Variants in UPP1 observed in about 807,000 individuals in gnomAD.
UPP1 encodes UPase 1.
In UPP1, 25 loss-of-function variants were observed where a neutral mutation model predicts 29.6. That is an observed-to-expected ratio of 0.85 (90% CI 0.62 to 1.18). UPP1 has a LOEUF of 1.18. Among genes scored for constraint, UPP1 ranks in the 50% most tolerant of loss-of-function variants. The pLI is 0.00. For missense variants in UPP1, 368 were observed against 410.4 expected (o/e 0.90, Z 0.89); for synonymous variants, 165 against 159.8 (o/e 1.03, Z -0.25).
rs1791689122 is a variant in UPP1 at position 48,089,413 on chromosome 7, C to T, written c.-204C>T. 1 of 152,410 alleles carries T rather than the reference C, an allele frequency of 6.6e-6. No individual in the cohort carries two copies. Among genetic ancestry groups the T allele is most frequent in the Non-Finnish European group, 1.5e-5 (1 of 68,202 alleles). The allele number at this position is 152,410 out of a possible 1,614,324, so 9.4% of individuals were successfully genotyped here. On this transcript the variant is annotated 5_prime_UTR_variant, in exon 1 of 9. Transcript: ENST00000395564. ...GGGTGTAGCGGCTCTCTGCGCAGGCCGAGTGGTGAGTCGCCCGCGGCCCGG... is the reference window on the plus strand; with the variant it reads ...GGGTGTAGCGGCTCTCTGCGCAGGCTGAGTGGTGAGTCGCCCGCGGCCCGG...
At chr7:48,102,024 C>T (rs777183064) in intron 5 of UPP1, 42 bp downstream of exon 5, 2 of 1,593,412 alleles carry the variant, frequency 1.3e-6, no homozygotes, top group South Asian at 1.1e-5. Context: ...CTAGGCTCTG[C>T]AACCCCCTGT....
chr7:48,099,303 T>C (rs1792290066), intron 3 of UPP1, among the ~76,000 whole-genome samples: 2 of 152,194 alleles, frequency 1.3e-5, no homozygotes, highest in Admixed American at 1.3e-4. Flanking sequence ...ATAGTAGTTT[T>C]AAAATAAATT....
intron 3 of UPP1, among the ~76,000 whole-genome samples, chr7:48,097,155 G>T (rs1189382086): frequency 6.6e-6 from 1 of 152,184 alleles, no homozygotes; most frequent in Non-Finnish European, 1.5e-5. Flanking sequence ...TCTCTGACTT[G>T]TTATTTTAAA....
chr7:48,096,015 C>T (rs1166149661), intron 3 of UPP1, among the ~76,000 whole-genome samples: 1 of 152,186 alleles, frequency 6.6e-6, no homozygotes, highest in African/African-American at 2.4e-5. Context: ...CCAAAAATGC[C>T]TTGTCCCCAG....
At chr7:48,103,217 T>A (rs1792528771) in intron 5 of UPP1, 80 bp from the exon 6 acceptor site, 4 of 1,048,176 alleles carry the variant, frequency 3.8e-6, no homozygotes, top group African/African-American at 1.6e-5. Flanking sequence ...TTAGATTGAA[T>A]TACATCACAT....
intron 6 of UPP1, chr7:48,104,006 T>A (rs1554306198): frequency 4.6e-6 from 4 of 866,626 alleles, no homozygotes; most frequent in Non-Finnish European, 1.5e-6. Flanking sequence ...GATCACAAGA[T>A]CGGGAGATCG....
At chr7:48,094,680 ACTTT>A (rs1792031562) in intron 2 of UPP1, 79 bp from the exon 3 acceptor site, 1 of 1,234,070 alleles carries the variant, frequency 8.1e-7, no homozygotes, top group African/African-American at 1.5e-5. Context: ...CATTGCACTG[ACTTT>A]CTACATATTA....
At position 48,107,000 on chromosome 7, in the gene UPP1, G is replaced by T. The variant is rs763514051; in HGVS notation, c.564G>T (p.Gln188His). 1 of 1,613,056 alleles carries T rather than the reference G, an allele frequency of 6.2e-7. No homozygotes were observed. Among genetic ancestry groups the T allele is most frequent in the Non-Finnish European group, 8.5e-7 (1 of 1,179,978 alleles). The part of the protein sequence containing the change: ...RKTDLNKKLV[Q>H]ELLLCSAELS... ...CGGACCTTAACAAGAAGCTGGTGCA[G>T]GAGCTGTTGCTGTGTTCTGCAGAGC... The change falls in exon 7 of 9, where the codon CAG (glutamine) becomes CAT (histidine). Residue 188 changes from glutamine (Q) to histidine (H), a missense_variant. Transcript: ENST00000395564.
chr7:48,102,716 G>C (rs1176283174), intron 5 of UPP1, among the ~76,000 whole-genome samples: 1 of 152,194 alleles, frequency 6.6e-6, no homozygotes, highest in Non-Finnish European at 1.5e-5. Context: ...AAAGTGCTGA[G>C]TTCATCCGGG....
intron 4 of UPP1, among the ~76,000 whole-genome samples, chr7:48,100,102 C>T (rs900154901): frequency 2.6e-5 from 4 of 152,132 alleles, no homozygotes; most frequent in Middle Eastern, 3.2e-3. Context: ...CAACATAGAG[C>T]GTAACCACAC....
At position 48,107,027 on chromosome 7, in the gene UPP1, G is replaced by A. The variant is rs1321826571; in HGVS notation, c.591G>A (p.Leu197=). 6.2e-7 allele frequency: 1 copy of A among 1,612,586 alleles called. No individual in the cohort carries two copies. Among genetic ancestry groups the A allele is most frequent in the Non-Finnish European group, 8.5e-7 (1 of 1,179,906 alleles). The part of the protein sequence containing the change: ...VQELLLCSAE[L]SEFTTVVGNT... ...AGCTGTTGCTGTGTTCTGCAGAGCTGAGCGAGTTCACCACAGTGGTGGGGA... is the reference window on the plus strand; with the variant it reads ...AGCTGTTGCTGTGTTCTGCAGAGCTAAGCGAGTTCACCACAGTGGTGGGGA... The change falls in exon 7 of 9, where the codon CTG becomes CTA. Residue 197 remains leucine, a synonymous_variant. Coordinates refer to ENST00000395564, the MANE Select transcript of UPP1 (RefSeq NM_003364.4).
rs564115882 is a variant in UPP1, at chr7:48,089,457, C to T, written c.-199+39C>T. The T allele has an allele frequency of 2.6e-5, 4 of 152,576 alleles. No homozygotes were observed. In the South Asian group the frequency reaches 6.2e-4, roughly 24 times the overall value. The allele number at this position is 152,576 out of a possible 1,614,324, so 9.5% of individuals were successfully genotyped here. ...GGCCCGGCTCCCGCCGTTCTCTCTTCCCAGGGGTCTAGCCCGTCCCCTGCC... is the reference window on the plus strand; with the variant it reads ...GGCCCGGCTCCCGCCGTTCTCTCTTTCCAGGGGTCTAGCCCGTCCCCTGCC... On this transcript the variant is annotated intron_variant, in intron 1 of 8. Transcript: ENST00000395564.
chr7:48,093,131 G>A (rs1184353237), intron 2 of UPP1, among the ~76,000 whole-genome samples: 1 of 152,214 alleles, frequency 6.6e-6, no homozygotes, highest in East Asian at 1.9e-4. Context: ...AAGAAGTGTT[G>A]TGTAAATGCT....
At chr7:48,103,165 T>A in intron 5 of UPP1, 132 bp from the exon 6 acceptor site, 1 of 654,512 alleles carries the variant, frequency 1.5e-6, no homozygotes, top group Non-Finnish European at 2.7e-6. Flanking sequence ...CTTAAATTTA[T>A]ATTTAAAAAG....
intron 3 of UPP1, among the ~76,000 whole-genome samples, chr7:48,095,187 C>A (rs139373411): frequency 6.6e-6 from 1 of 152,320 alleles, no homozygotes; most frequent in African/African-American, 2.4e-5. Context: ...TAAATGCCTT[C>A]TTATTTCTTT....
rs539547337 is a variant in UPP1, at chr7:48,102,756, G to A, written c.322-541G>A. 9.9e-5 allele frequency among the ~76,000 whole-genome samples: 15 copies of A among 152,206 alleles called. No individual in the cohort carries two copies. The South Asian group carries it at 1.5e-3, about 15-fold the overall frequency. ...GGCATCACAGAAGTTGTGACACTAG[G>A]GGGGGTGCTCTGAAGAGGAGAGCAG... On this transcript the variant is annotated intron_variant, in intron 5 of 8. Coordinates refer to ENST00000395564, the MANE Select transcript of UPP1 (RefSeq NM_003364.4).
At chr7:48,094,954 G>T in intron 3 of UPP1, 127 bp downstream of exon 3, 1 of 1,138,760 alleles carries the variant, frequency 8.8e-7, no homozygotes, top group South Asian at 1.5e-5. Context: ...GAAAGAGACT[G>T]AGGCCTGGAG....
At position 48,099,757 on chromosome 7, in the gene UPP1, C is replaced by A; in HGVS notation, c.132C>A (p.His44Gln). ...ATTTCAATCTCACCACTAGCAGACA[C>A]AATTTCCCAGCCTTGTTTGGAGATG... Reference protein sequence around the residue: ...LYHFNLTTSRHNFPALFGDVK... With the variant: ...LYHFNLTTSRQNFPALFGDVK... The change falls in exon 4 of 9, where the codon CAC becomes CAA. Residue 44 changes from histidine (H) to glutamine (Q), a missense_variant. Physicochemically the swap from His to Gln is conservative, Grantham distance 24. Transcript: ENST00000395564. The A allele has an allele frequency of 6.2e-7, 1 of 1,613,190 alleles. No homozygotes were observed. Among genetic ancestry groups the A allele is most frequent in the Non-Finnish European group, 8.5e-7 (1 of 1,179,132 alleles).
In UPP1 at chr7:48,103,369, T is replaced by A. The variant is rs1038485115; in HGVS notation, c.394T>A (p.Ser132Thr). Residue 132 changes from serine to threonine, a missense_variant, in exon 6 of 9, where the codon TCC (serine) becomes ACC (threonine). Physicochemically the swap from Ser to Thr is moderately conservative, Grantham distance 58. Coordinates refer to ENST00000395564, the MANE Select transcript of UPP1 (RefSeq NM_003364.4). ...AAAGCTGCTGTACTATGCCCGGTGC[T>A]CCAACGTCACTATCATCCGCATTGG... ...LIKLLYYARC[S>T]NVTIIRIGTS... 2 of 1,613,866 alleles carry A rather than the reference T, an allele frequency of 1.2e-6. No individual in the cohort carries two copies. The highest frequency in any genetic ancestry group is 2.7e-5 in the African/African-American group (2 of 74,898).
Sources: allele counts gnomAD v4.1 joint callset (sites outside exome capture counted in the v4.1 genomes callset), GRCh38; gene constraint gnomAD v4.1.1; transcripts MANE v1.5; gene names NCBI Gene and HGNC (gene_info 2026-07-23, HGNC 2026-07-21).